The following HCRTR2 variants were observed in gnomAD, a reference collection of about 807,000 sequenced individuals.
HCRTR2 encodes hypocretin receptor 2, also known as orexin receptor type 2.
Under a neutral mutation model 49.0 loss-of-function variants are expected in HCRTR2, and 22 were observed. The ratio of observed to expected loss-of-function variants is 0.45; its 90% CI spans 0.32 to 0.64. HCRTR2 has a LOEUF of 0.64. HCRTR2 is among the 30% of genes least tolerant of loss of function. The pLI is 0.04. For synonymous variants in HCRTR2, 236 were observed against 205.3 expected (o/e 1.15, Z -1.28); for missense variants, 491 against 559.4 (o/e 0.88, Z 1.23).
chr6:55,121,268 C>G (rs1345536911), intron 1 of HCRTR2, among the ~76,000 whole-genome samples: 1 of 151,966 alleles, frequency 6.6e-6, no homozygotes, highest in East Asian at 1.9e-4. Flanking sequence ...TGATTTGGCT[C>G]TCTGTTTGTC....
At chr6:55,273,423 C>A (rs1223494484) in intron 4 of HCRTR2, among the ~76,000 whole-genome samples, 2 of 151,990 alleles carry the variant, frequency 1.3e-5, no homozygotes, top group Non-Finnish European at 2.9e-5. Flanking sequence ...AAATAAGCAT[C>A]ATCCAAACTC....
chr6:55,149,433 G>A (rs1205978798), intron 1 of HCRTR2, among the ~76,000 whole-genome samples: 2 of 152,046 alleles, frequency 1.3e-5, no homozygotes, highest in African/African-American at 4.8e-5. Flanking sequence ...TAAAAAGTGA[G>A]GTGAGCAAAT....
chr6:55,227,810 A>G (rs941023011), intron 1 of HCRTR2, among the ~76,000 whole-genome samples: 2 of 152,196 alleles, frequency 1.3e-5, no homozygotes, highest in Non-Finnish European at 2.9e-5. Context: ...GGAGAGATAA[A>G]TGGAATTAAA....
At position 55,247,147 on chromosome 6, in the gene HCRTR2, A is replaced by T. The variant is rs573050033; in HGVS notation, c.224-1492A>T. On this transcript the variant is annotated intron_variant, in intron 1 of 6. Coordinates refer to ENST00000370862, the MANE Select transcript of HCRTR2 (RefSeq NM_001384272.1). ...GCTAGGGTGGGTTTGTGTGTGTGTG[A>T]ATATGTGTGTGTGTGTGTTTCAAGT... 2.6e-5 allele frequency among the ~76,000 whole-genome samples: 4 copies of T among 151,686 alleles called. No homozygotes were observed. In the South Asian group the frequency reaches 8.3e-4, roughly 32 times the overall value.
chr6:55,258,095 T>A (rs1766687134), intron 3 of HCRTR2, among the ~76,000 whole-genome samples: 1 of 152,094 alleles, frequency 6.6e-6, no homozygotes, highest in Non-Finnish European at 1.5e-5. Flanking sequence ...TATGTGTGAT[T>A]GTCACAACTT....
chr6:55,281,513 C>G (rs557099388), intron 6 of HCRTR2, among the ~76,000 whole-genome samples: 1 of 152,246 alleles, frequency 6.6e-6, no homozygotes, highest in African/African-American at 2.4e-5. Context: ...GTGCTGGGCC[C>G]GTGAACATTC....
At chr6:55,216,189 A>C (rs1765783027) in intron 1 of HCRTR2, among the ~76,000 whole-genome samples, 2 of 152,172 alleles carry the variant, frequency 1.3e-5, no homozygotes, top group Admixed American at 1.3e-4. Context: ...TTTCTCAAAA[A>C]ACCCATCTCT....
chr6:55,214,732 A>T (rs1006880516), intron 1 of HCRTR2, among the ~76,000 whole-genome samples: 8 of 152,108 alleles, frequency 5.3e-5, no homozygotes, highest in Non-Finnish European at 8.8e-5. Context: ...GACAAAATGT[A>T]ACTATAAGTA....
intron 1 of HCRTR2, among the ~76,000 whole-genome samples, chr6:55,207,941 C>A (rs939741188): frequency 4.6e-5 from 7 of 152,112 alleles, no homozygotes; most frequent in East Asian, 1.9e-4. Context: ...TATCCGTGAT[C>A]CTAGAACAAA....
At chr6:55,266,702 ATCTG>A (rs2127324593) in intron 4 of HCRTR2, among the ~76,000 whole-genome samples, 1 of 152,248 alleles carries the variant, frequency 6.6e-6, no homozygotes, top group Non-Finnish European at 1.5e-5. Flanking sequence ...GTTGCAATGT[ATCTG>A]TCTTGTTACT....
At chr6:55,158,590 G>A (rs1764761901) in intron 1 of HCRTR2, among the ~76,000 whole-genome samples, 1 of 152,212 alleles carries the variant, frequency 6.6e-6, no homozygotes, top group Admixed American at 6.5e-5. Context: ...GCAGTCTGAA[G>A]TCAACCTGGG....
intron 1 of HCRTR2, among the ~76,000 whole-genome samples, chr6:55,121,270 C>T (rs1764195552): frequency 6.6e-6 from 1 of 151,980 alleles, no homozygotes; most frequent in Non-Finnish European, 1.5e-5. Context: ...ATTTGGCTCT[C>T]TGTTTGTCTG....
upstream of HCRTR2, among the ~76,000 whole-genome samples, chr6:55,173,854 T>C (rs1188588052): frequency 1.3e-5 from 2 of 152,228 alleles, no homozygotes; most frequent in African/African-American, 2.4e-5. Context: ...GGAGATGTCT[T>C]AAAGACTCGG....
At chr6:55,144,969 A>G (rs979622007) in intron 1 of HCRTR2, among the ~76,000 whole-genome samples, 1 of 151,902 alleles carries the variant, frequency 6.6e-6, no homozygotes, top group African/African-American at 2.4e-5. Flanking sequence ...TTTTCTTCCC[A>G]TTTTTCTTTT....
At chr6:55,136,358 A>T (rs1480884115) in intron 1 of HCRTR2, among the ~76,000 whole-genome samples, 2 of 152,194 alleles carry the variant, frequency 1.3e-5, no homozygotes, top group Non-Finnish European at 2.9e-5. Flanking sequence ...AAACTAACTA[A>T]TGAAAAATGG....
intron 3 of HCRTR2, among the ~76,000 whole-genome samples, chr6:55,262,379 A>G (rs1016885422): frequency 4.4e-5 from 6 of 136,594 alleles, no homozygotes; most frequent in African/African-American, 1.7e-4. Flanking sequence ...ATAGTTATAT[A>G]TAATATTATA....
chr6:55,203,663 A>G (rs746485660), intron 1 of HCRTR2, among the ~76,000 whole-genome samples: 2 of 152,140 alleles, frequency 1.3e-5, no homozygotes, highest in Non-Finnish European at 2.9e-5. Context: ...CATTTGAGCA[A>G]AAGTCTTCAG....
At position 55,202,700 on chromosome 6, in the gene HCRTR2, A is replaced by G. The variant is rs1041367790; in HGVS notation, c.223+27890A>G. ...CATGAAGGCTCTGCTCTCATGACCT[A>G]TTCCTTCCCAAAGGGCCCACTTCCA... On this transcript the variant is annotated intron_variant, in intron 1 of 6. Transcript: ENST00000370862. Among the ~76,000 whole-genome samples, 3 of 152,186 alleles carry G rather than the reference A, an allele frequency of 2.0e-5. No homozygotes were observed. The East Asian group carries it at 5.8e-4, about 30-fold the overall frequency.
At chr6:55,137,520 T>C (rs1764449177) in intron 1 of HCRTR2, among the ~76,000 whole-genome samples, 4 of 152,326 alleles carry the variant, frequency 2.6e-5, no homozygotes, top group East Asian at 1.9e-4. Context: ...TGTGAAGTAT[T>C]GTGATACTTC....
Sources: allele counts gnomAD v4.1 joint callset (sites outside exome capture counted in the v4.1 genomes callset), GRCh38; gene constraint gnomAD v4.1.1; transcripts MANE v1.5; gene names NCBI Gene and HGNC (gene_info 2026-07-23, HGNC 2026-07-21).